Variants in ZFAT observed in about 807,000 individuals in gnomAD.
The protein encoded by ZFAT is zinc finger and AT-hook domain containing.
A neutral mutation model predicts 117.7 loss-of-function variants in ZFAT; 64 were observed. The observed-to-expected ratio is 0.54, with a 90% CI of 0.44 to 0.67. ZFAT has a LOEUF of 0.67. Ranked by LOEUF, ZFAT falls within the 30% of genes least tolerant of loss-of-function variation. The pLI is 0.00. For synonymous variants in ZFAT, 679 were observed against 615.0 expected (o/e 1.10, Z -1.54); for missense variants, 1,433 against 1,584.5 (o/e 0.90, Z 1.62).
At chr8:134,552,662 C>T (rs983051710) in intron 11 of ZFAT, among the ~76,000 whole-genome samples, 19 of 152,198 alleles carry the variant, frequency 1.2e-4, no homozygotes, top group Admixed American at 1.1e-3. Context: ...AGGCTGATGG[C>T]TACAGAAGAG....
chr8:134,690,654 G>A (rs997707520), intron 1 of ZFAT, among the ~76,000 whole-genome samples: 2 of 152,176 alleles, frequency 1.3e-5, no homozygotes, highest in African/African-American at 4.8e-5. Flanking sequence ...ATTTAAGGAA[G>A]GAGAGACACT....
intron 11 of ZFAT, among the ~76,000 whole-genome samples, chr8:134,548,583 T>G (rs1046347082): frequency 2.0e-5 from 3 of 152,220 alleles, no homozygotes; most frequent in African/African-American, 7.2e-5. Flanking sequence ...TTTCTCTACT[T>G]CTGGGTTCTC....
chr8:134,755,122 G>A, the ZFAT span, among the ~76,000 whole-genome samples: 1 of 152,068 alleles, frequency 6.6e-6, no homozygotes, highest in Non-Finnish European at 1.5e-5. Flanking sequence ...AGCTTTTGGG[G>A]GCTGGGCGTG....
intron 11 of ZFAT, among the ~76,000 whole-genome samples, chr8:134,550,324 A>AAAAAAAAAAC (rs1823054272): frequency 6.6e-6 from 1 of 151,284 alleles, no homozygotes; most frequent in Non-Finnish European, 1.5e-5. Context: ...AAAAAAAAAA[A>AAAAAAAAAAC]AAAAAAAACA....
upstream of ZFAT, chr8:134,713,040 C>T: frequency 3.0e-6 from 2 of 677,130 alleles, no homozygotes; most frequent in Non-Finnish European, 4.3e-6. Flanking sequence ...ATGGAGTCTT[C>T]GCCCTCCTCC....
At chr8:134,677,710 G>A (rs1040136250) in intron 1 of ZFAT, among the ~76,000 whole-genome samples, 2 of 152,116 alleles carry the variant, frequency 1.3e-5, no homozygotes, top group African/African-American at 4.8e-5. Context: ...ATAAAATACT[G>A]GCAAACCGAA....
At chr8:134,610,711 GGA>G in intron 3 of ZFAT, 56 bp from the exon 4 acceptor site, 4 of 1,588,520 alleles carry the variant, frequency 2.5e-6, no homozygotes, top group Non-Finnish European at 2.6e-6. Flanking sequence ...TGGCAGAGTT[GGA>G]GGGTAAACAC....
chr8:134,685,020 A>C (rs981389693), intron 1 of ZFAT, among the ~76,000 whole-genome samples: 1 of 151,232 alleles, frequency 6.6e-6, no homozygotes, highest in East Asian at 2.0e-4. Flanking sequence ...TGGCACCCCC[A>C]CCCTCCCCTG....
At chr8:134,648,171 C>G (rs969679946) in intron 2 of ZFAT, among the ~76,000 whole-genome samples, 1 of 151,174 alleles carries the variant, frequency 6.6e-6, no homozygotes, top group Admixed American at 6.6e-5. Context: ...GTCAAGTATA[C>G]CTTAATAAAG....
At chr8:134,741,104 C>G in the ZFAT span, among the ~76,000 whole-genome samples, 312 of 152,164 alleles carry the variant, frequency 2.1e-3, 2 homozygotes, top group African/African-American at 7.0e-3. Context: ...AAATTCAGAG[C>G]CCCTCCACCT....
At position 134,478,478 on chromosome 8, in the gene ZFAT, T is replaced by C. The variant is rs746322518; in HGVS notation, c.*4A>G. The C allele has an allele frequency of 6.4e-7, 1 of 1,559,312 alleles. No individual in the cohort carries two copies. The highest frequency in any genetic ancestry group is 1.2e-5 in the South Asian group (1 of 84,428). On this transcript the variant is annotated 3_prime_UTR_variant, in exon 16 of 16. Transcript: ENST00000377838. This position sits in a 1 kb window ranked among gnomAD's most constrained non-coding sequence, Gnocchi z 5.2. The stretch of plus-strand genomic sequence containing the variant: ...CCCTGTGGCCATCCGATGCCACATG[T>C]CCTCTAGAGTTCCTGGGCCGGCTGC...
At chr8:134,514,395 T>G (rs56935554) in intron 13 of ZFAT, among the ~76,000 whole-genome samples, 1 of 152,224 alleles carries the variant, frequency 6.6e-6, no homozygotes, top group South Asian at 2.1e-4. Flanking sequence ...TCTTCCAGTA[T>G]GTACTAATAC....
chr8:134,807,647 G>C, the ZFAT span, among the ~76,000 whole-genome samples: 1 of 151,546 alleles, frequency 6.6e-6, no homozygotes, highest in African/African-American at 2.4e-5. Context: ...GAAAACACTT[G>C]GCAGAAGGCA....
At chr8:134,743,891 C>T in the ZFAT span, among the ~76,000 whole-genome samples, 1 of 152,162 alleles carries the variant, frequency 6.6e-6, no homozygotes, top group Admixed American at 6.5e-5. Context: ...TCTTTTCTGG[C>T]CAAAAGGGCA....
chr8:134,715,990 G>A (rs1431128245), upstream of ZFAT, among the ~76,000 whole-genome samples: 1 of 152,084 alleles, frequency 6.6e-6, no homozygotes, highest in Non-Finnish European at 1.5e-5. Flanking sequence ...GGCTGGGCAT[G>A]GTGGCTCATG....
intron 1 of ZFAT, among the ~76,000 whole-genome samples, chr8:134,685,234 C>A (rs1423327048): frequency 6.6e-6 from 1 of 152,106 alleles, no homozygotes; most frequent in East Asian, 1.9e-4. Context: ...TGCCAAAGAG[C>A]CCCCAGTCAG....
chr8:134,821,089 G>A, the ZFAT span, among the ~76,000 whole-genome samples: 5 of 152,174 alleles, frequency 3.3e-5, no homozygotes, highest in Non-Finnish European at 5.9e-5. Context: ...TGGTTGTTGT[G>A]AAGATTAAAT....
In ZFAT at chr8:134,602,272, C is replaced by T. The variant is rs1177400812; in HGVS notation, c.1447G>A (p.Ala483Thr). 1.2e-6 allele frequency: 2 copies of T among 1,613,858 alleles called. No individual in the cohort carries two copies. The part of the protein sequence containing the change: ...LRTHIKEVHG[A>T]AQEALVFTSS... ...GTGAAGACCAAGGCCTCCTGGGCAG[C>T]CCCGTGCACCTCTTTGATGTGGGTG... The change falls in exon 6 of 16, where the codon GCT becomes ACT. Residue 483 changes from alanine to threonine, a missense_variant. Around this residue, in one of 5 missense-constraint regions of ZFAT, gnomAD observed 372 missense variants for 355.6 expected, o/e 1.05. Transcript: ENST00000377838.
intron 15 of ZFAT, among the ~76,000 whole-genome samples, chr8:134,493,412 A>G (rs941416484): frequency 6.6e-6 from 1 of 152,200 alleles, no homozygotes; most frequent in Non-Finnish European, 1.5e-5. Flanking sequence ...GTGCTGTAAG[A>G]AGAGGATGAA....
Sources: gnomAD v4.1 joint callset for allele counts (sites outside exome capture counted in the v4.1 genomes callset) on GRCh38, gnomAD v4.1.1 for gene constraint, gnomAD v4.1.1 regional missense constraint, Gnocchi (gnomAD v3.1) non-coding constraint, MANE v1.5 for transcripts, NCBI Gene and HGNC (gene_info 2026-07-23, HGNC 2026-07-21) for gene names.